PCDH9: variants seen among roughly 807,000 people sequenced by gnomAD.
PCDH9 encodes protocadherin 9.
In PCDH9, 24 loss-of-function variants were observed where a neutral mutation model predicts 70.6. That is an observed-to-expected ratio of 0.34 (90% CI 0.25 to 0.48). PCDH9 has a LOEUF of 0.48. Among genes scored for constraint, PCDH9 ranks in the 20% least tolerant of loss-of-function variants. PCDH9 has a pLI of 0.99. For synonymous variants in PCDH9, 562 were observed against 558.5 expected (o/e 1.01, Z -0.09); for missense variants, 1,281 against 1,503.6 (o/e 0.85, Z 2.45).
chr13:66,952,154 T>C (rs770182478), intron 2 of PCDH9, among the ~76,000 whole-genome samples: 7 of 152,190 alleles, frequency 4.6e-5, no homozygotes, highest in African/African-American at 1.7e-4. Flanking sequence ...CTTCATGATA[T>C]AGCAGAATGC....
intron 3 of PCDH9, among the ~76,000 whole-genome samples, chr13:66,883,147 T>G (rs1166787561): frequency 1.3e-5 from 2 of 152,200 alleles, no homozygotes; most frequent in African/African-American, 4.8e-5. Context: ...TCCCTCTGCC[T>G]AGAAATCCCT....
intron 3 of PCDH9, among the ~76,000 whole-genome samples, chr13:66,822,141 C>CACACAA (rs1198488631): frequency 6.6e-6 from 1 of 151,348 alleles, no homozygotes; most frequent in East Asian, 1.9e-4. Flanking sequence ...CACGCGCACA[C>CACACAA]ACACACACAC....
At chr13:66,823,197 A>G (rs1196409785) in intron 3 of PCDH9, among the ~76,000 whole-genome samples, 1 of 151,992 alleles carries the variant, frequency 6.6e-6, no homozygotes, top group Non-Finnish European at 1.5e-5. Flanking sequence ...TTTAGAGGCC[A>G]AACAGAAAAA....
At chr13:66,666,107 A>G (rs2078093246) in intron 3 of PCDH9, among the ~76,000 whole-genome samples, 1 of 152,236 alleles carries the variant, frequency 6.6e-6, no homozygotes, top group African/African-American at 2.4e-5. Context: ...GTGTGAATGC[A>G]GGAGCCGTGA....
intron 3 of PCDH9, among the ~76,000 whole-genome samples, chr13:66,887,366 G>C (rs1157105023): frequency 1.3e-5 from 2 of 151,642 alleles, no homozygotes; most frequent in Non-Finnish European, 2.9e-5. Flanking sequence ...AAACGGAGAC[G>C]TGCATTCTGC....
intron 3 of PCDH9, among the ~76,000 whole-genome samples, chr13:66,674,504 T>G (rs1345117943): frequency 6.6e-6 from 1 of 152,120 alleles, no homozygotes; most frequent in African/African-American, 2.4e-5. Flanking sequence ...AAACTATTAT[T>G]TTAACTTGTG....
At chr13:66,543,132 GAGGAA>G (rs1242770065) in intron 4 of PCDH9, among the ~76,000 whole-genome samples, 1 of 149,710 alleles carries the variant, frequency 6.7e-6, no homozygotes, top group Non-Finnish European at 1.5e-5. Flanking sequence ...TGCTCTTCTT[GAGGAA>G]GAGTATTAAA....
At chr13:67,184,392 G>C (rs969013227) in intron 2 of PCDH9, among the ~76,000 whole-genome samples, 1 of 151,988 alleles carries the variant, frequency 6.6e-6, no homozygotes, top group Non-Finnish European at 1.5e-5. Flanking sequence ...TACTAGATCC[G>C]CATTCAGATC....
At chr13:66,847,253 T>C (rs1028583886) in intron 3 of PCDH9, among the ~76,000 whole-genome samples, 3 of 152,200 alleles carry the variant, frequency 2.0e-5, no homozygotes, top group African/African-American at 7.2e-5. Context: ...TTGTTTTCCT[T>C]TTTACTGTGA....
At chr13:66,325,071 G>C (rs1451980745) in intron 4 of PCDH9, among the ~76,000 whole-genome samples, 1 of 151,664 alleles carries the variant, frequency 6.6e-6, no homozygotes, top group African/African-American at 2.4e-5. Flanking sequence ...ATTTATTATA[G>C]TAATAATATA....
At chr13:66,588,099 AT>A (rs2076987199) in intron 4 of PCDH9, among the ~76,000 whole-genome samples, 1 of 152,014 alleles carries the variant, frequency 6.6e-6, no homozygotes, top group Non-Finnish European at 1.5e-5. Flanking sequence ...GTAAAAAATC[AT>A]TTCTAGCTTG....
chr13:67,168,762 T>C (rs955442225), intron 2 of PCDH9, among the ~76,000 whole-genome samples: 3 of 152,144 alleles, frequency 2.0e-5, no homozygotes, highest in African/African-American at 7.2e-5. Context: ...CAAGAATACA[T>C]GAGAAAAATA....
chr13:66,354,647 G>A (rs2138179443), intron 4 of PCDH9, among the ~76,000 whole-genome samples: 1 of 152,120 alleles, frequency 6.6e-6, no homozygotes, highest in Middle Eastern at 3.4e-3. Flanking sequence ...TAGATTTTAA[G>A]AAATTTAGAC....
intron 2 of PCDH9, among the ~76,000 whole-genome samples, chr13:67,056,180 G>T (rs1340094966): frequency 2.0e-5 from 3 of 152,090 alleles, no homozygotes; most frequent in Admixed American, 6.6e-5. Context: ...TGAGGCCAGG[G>T]TTACAATTTA....
intron 4 of PCDH9, among the ~76,000 whole-genome samples, chr13:66,596,384 C>T (rs1450304236): frequency 2.6e-5 from 4 of 151,372 alleles, no homozygotes; most frequent in South Asian, 2.1e-4. Flanking sequence ...AAATAAAATC[C>T]AGAGATTAAA....
At chr13:66,601,924 G>T (rs1350035860) in intron 4 of PCDH9, among the ~76,000 whole-genome samples, 2 of 145,808 alleles carry the variant, frequency 1.4e-5, no homozygotes, top group Non-Finnish European at 3.1e-5. Flanking sequence ...CATAATACTT[G>T]ATAATGATAA....
At chr13:66,596,297 C>A (rs893910201) in intron 4 of PCDH9, among the ~76,000 whole-genome samples, 5 of 151,564 alleles carry the variant, frequency 3.3e-5, no homozygotes, top group Non-Finnish European at 7.4e-5. Context: ...TCTCATTTCC[C>A]AACAAATGAT....
chr13:66,411,280 T>A (rs908717720), intron 4 of PCDH9, among the ~76,000 whole-genome samples: 2 of 152,216 alleles, frequency 1.3e-5, no homozygotes, highest in African/African-American at 4.8e-5. Flanking sequence ...TTATAGAAAA[T>A]TTTCTGTAAT....
At chr13:66,342,266 G>A (rs1396786557) in intron 4 of PCDH9, among the ~76,000 whole-genome samples, 1 of 152,162 alleles carries the variant, frequency 6.6e-6, no homozygotes, top group Non-Finnish European at 1.5e-5. Context: ...TTTTAAGTGT[G>A]AGAATTGCTA....
Sources: allele counts gnomAD v4.1 joint callset (sites outside exome capture counted in the v4.1 genomes callset), GRCh38; gene constraint gnomAD v4.1.1; transcripts MANE v1.5; gene names NCBI Gene and HGNC (gene_info 2026-07-23, HGNC 2026-07-21).